VPS4A: variants seen among roughly 807,000 people sequenced by gnomAD.
The protein encoded by VPS4A is vacuolar protein sorting 4 homolog A.
VPS4A carries 20 observed loss-of-function variants against 52.3 expected under a neutral mutation model. The observed-to-expected ratio is 0.38, with a 90% CI of 0.27 to 0.56. VPS4A has a LOEUF of 0.56. Among genes scored for constraint, VPS4A ranks in the 20% least tolerant of loss-of-function variants. The pLI is 0.72. For missense variants in VPS4A, 419 were observed against 575.9 expected (o/e 0.73, Z 2.79); for synonymous variants, 293 against 227.7 (o/e 1.29, Z -2.58).
In VPS4A at chr16:69,324,743, G is replaced by C. The variant is rs79793182; in HGVS notation, c.*434G>C. On this transcript the variant is annotated 3_prime_UTR_variant, in exon 11 of 11. Transcript: ENST00000254950. ...AGACAGCCGGCTAGCCCCACTGCCC[G>C]TTCCTTTTACGCCCAAGTTTTGCTC... 5.1e-6 allele frequency: 1 copy of C among 194,510 alleles called. No homozygotes were observed. Among genetic ancestry groups the C allele is most frequent in the Admixed American group, 5.2e-5 (1 of 19,148 alleles). The allele number at this position is 194,510 out of a possible 1,614,324, so 12.0% of individuals were successfully genotyped here.
intron 1 of VPS4A, among the ~76,000 whole-genome samples, chr16:69,315,355 C>G (rs1567422198): frequency 6.6e-6 from 1 of 152,214 alleles, no homozygotes. Flanking sequence ...CAGCAGGGAG[C>G]AAGCAAGTAC....
intron 1 of VPS4A, among the ~76,000 whole-genome samples, chr16:69,312,543 T>G (rs1452428340): frequency 1.3e-5 from 2 of 152,138 alleles, no homozygotes; most frequent in African/African-American, 4.8e-5. Flanking sequence ...CCCAGGCAGG[T>G]TTTTTATGGC....
rs762587086 is a variant in VPS4A, at chr16:69,321,306, T to C, written c.1071+36T>C. 21 of 1,539,922 alleles carry C rather than the reference T, an allele frequency of 1.4e-5. No homozygotes were observed. The highest frequency in any genetic ancestry group is 3.6e-5 in the South Asian group (3 of 83,688). On this transcript the variant is annotated intron_variant, in intron 9 of 10. Coordinates refer to ENST00000254950, the MANE Select transcript of VPS4A (RefSeq NM_013245.3). The surrounding 1 kb of genome is among the most constrained non-coding windows in gnomAD (Gnocchi z 4.5). ...GCGGCCACTGCTGAGAAAAATCTCA[T>C]AGTAAGAGCGGGATGTTCGGTTTTT...
In VPS4A at chr16:69,319,545, T is replaced by G; in HGVS notation, c.620+2T>G. 6.2e-7 allele frequency: 1 copy of G among 1,610,554 alleles called. No individual in the cohort carries two copies. The highest frequency in any genetic ancestry group is 8.5e-7 in the Non-Finnish European group (1 of 1,178,534). On this transcript the variant is annotated splice_donor_variant, in intron 6 of 10. Transcript: ENST00000254950. LOFTEE classifies it high-confidence loss of function. ...CAAGTGGCTGGGGGAGAGTGAAAAG[T>G]AAGTCGGCCACCAGGCCATGCTCTG... is the stretch of plus-strand genomic sequence containing the variant.
intron 3 of VPS4A, among the ~76,000 whole-genome samples, chr16:69,317,565 G>A (rs1347685940): frequency 3.3e-5 from 5 of 152,128 alleles, no homozygotes; most frequent in African/African-American, 7.2e-5. Context: ...AAGCCGAGGC[G>A]GGCGGATCAC....
intron 1 of VPS4A, 33 bp downstream of exon 1, chr16:69,311,565 C>A: frequency 7.8e-7 from 1 of 1,288,014 alleles, no homozygotes; most frequent in Non-Finnish European, 9.9e-7. Context: ...ACTTCGGAGG[C>A]CGAAGGCAGC....
At chr16:69,317,782 G>T (rs1049950040) in intron 3 of VPS4A, among the ~76,000 whole-genome samples, 15 of 151,320 alleles carry the variant, frequency 9.9e-5, no homozygotes, top group African/African-American at 3.2e-4. Context: ...GACTGAGTGC[G>T]ACTCTGTCTT....
chr16:69,317,560 G>A (rs922412839), intron 3 of VPS4A, among the ~76,000 whole-genome samples: 1 of 152,146 alleles, frequency 6.6e-6, no homozygotes, highest in African/African-American at 2.4e-5. Flanking sequence ...TTGGGAAGCC[G>A]AGGCGGGCGG....
At position 69,320,695 on chromosome 16, in the gene VPS4A, G is replaced by T; in HGVS notation, c.777G>T (p.Gly259=). ...GTCTCCCTTTCTCCACAGGGGTGGGGAATAACAATGATGGGACTCTGGTTC... is the reference window on the plus strand; with the variant it reads ...GTCTCCCTTTCTCCACAGGGGTGGGTAATAACAATGATGGGACTCTGGTTC... ...TEFLVQMQGV[G]NNNDGTLVLG... is the part of the protein sequence containing the mutation. Residue 259 remains glycine, a synonymous_variant, in exon 8 of 11, where the codon GGG becomes GGT. Coordinates refer to ENST00000254950, the MANE Select transcript of VPS4A (RefSeq NM_013245.3). This position sits in a 1 kb window ranked among gnomAD's most constrained non-coding sequence, Gnocchi z 4.2. The T allele has an allele frequency of 6.2e-7, 1 of 1,603,914 alleles. No homozygotes were observed. Among genetic ancestry groups the T allele is most frequent in the Non-Finnish European group, 8.5e-7 (1 of 1,175,386 alleles).
In VPS4A at chr16:69,321,438, C is replaced by T; in HGVS notation, c.1071+168C>T. ...CCATGGGGGCTGCACCCACTGTCCC[C>T]TCCCTGCAGCTCTTCTGGAGTGTGG... On this transcript the variant is annotated intron_variant, in intron 9 of 10. Transcript: ENST00000254950. This position sits in a 1 kb window ranked among gnomAD's most constrained non-coding sequence, Gnocchi z 4.5. The T allele has an allele frequency of 1.5e-6, 1 of 684,834 alleles. No individual in the cohort carries two copies. The highest frequency in any genetic ancestry group is 2.4e-6 in the Non-Finnish European group (1 of 411,832). 42.4% of individuals were successfully genotyped at this position (684,834 alleles called of 1,614,324 possible). A position where few individuals can be genotyped will look rare whatever the true frequency, so the allele number is the denominator to read the frequency against.
intron 1 of VPS4A, among the ~76,000 whole-genome samples, chr16:69,315,721 C>A (rs1239394269): frequency 6.6e-6 from 1 of 152,186 alleles, no homozygotes; most frequent in Non-Finnish European, 1.5e-5. Flanking sequence ...CATGAACTTG[C>A]CCCTTGAGCC....
chr16:69,322,180 G>C, intron 9 of VPS4A: 1 of 168,724 alleles, frequency 5.9e-6, no homozygotes, highest in Admixed American at 6.1e-5. Context: ...GCACGGGAAA[G>C]ACCAGCCCCC....
At chr16:69,316,988 C>T (rs1161379866) in intron 3 of VPS4A, among the ~76,000 whole-genome samples, 1 of 152,060 alleles carries the variant, frequency 6.6e-6, no homozygotes, top group Non-Finnish European at 1.5e-5. Context: ...TGATCCCAGT[C>T]ATATGAACAC....
intron 1 of VPS4A, among the ~76,000 whole-genome samples, chr16:69,315,457 C>T (rs966346212): frequency 2.0e-5 from 3 of 152,220 alleles, no homozygotes; most frequent in Non-Finnish European, 4.4e-5. Flanking sequence ...ACTGTCTTCT[C>T]TCTGCAGCCT....
rs1390838429 is a variant in VPS4A, at chr16:69,321,244, G to A, written c.1045G>A (p.Val349Met). The change falls in exon 9 of 11, where the codon GTG becomes ATG. Residue 349 changes from valine to methionine, a missense_variant. Physicochemically the swap from Val to Met is conservative, Grantham distance 21. This residue lies in a region of VPS4A where 185 missense variants were observed against 200.2 expected (regional missense o/e 0.92). Coordinates refer to ENST00000254950, the MANE Select transcript of VPS4A (RefSeq NM_013245.3). The surrounding 1 kb of genome is among the most constrained non-coding windows in gnomAD (Gnocchi z 4.5). The stretch of plus-strand genomic sequence containing the variant: ...CTCTCTCATGCAGCCCGTGAGGAAG[G>A]TGCAGTCGGCCACACACTTCAAAAA... ...RDSLMQPVRK[V>M]QSATHFKKVC... is the part of the protein sequence containing the mutation. The A allele has an allele frequency of 6.4e-7, 1 of 1,557,644 alleles. No individual in the cohort carries two copies. The highest frequency in any genetic ancestry group is 8.7e-7 in the Non-Finnish European group (1 of 1,151,200).
At chr16:69,315,942 G>T in intron 1 of VPS4A, 66 bp from the exon 2 acceptor site, 1 of 1,387,858 alleles carries the variant, frequency 7.2e-7, no homozygotes, top group South Asian at 1.2e-5. Flanking sequence ...TCATCCCCAT[G>T]CCTGTGACCC....
rs907815351 is a variant in VPS4A at position 69,320,029 on chromosome 16, A to T, written c.621-112A>T. ...CCACCACGTTTTCCGCAATTCCGGC[A>T]TGACCGTGGCCTGCGCCTCCCTGTG... On this transcript the variant is annotated intron_variant, in intron 6 of 10. Coordinates refer to ENST00000254950, the MANE Select transcript of VPS4A (RefSeq NM_013245.3). This position sits in a 1 kb window ranked among gnomAD's most constrained non-coding sequence, Gnocchi z 4.2. The T allele has an allele frequency of 4.3e-6, 6 of 1,406,882 alleles. No individual in the cohort carries two copies. In the Admixed American group the frequency reaches 1.5e-4, roughly 34 times the overall value. The allele number at this position is 1,406,882 out of a possible 1,614,324, so 87.1% of individuals were successfully genotyped here. A position where few individuals can be genotyped will look rare whatever the true frequency, so the allele number is the denominator to read the frequency against.
chr16:69,320,071 G>A lies in VPS4A; in HGVS notation c.621-70G>A. ...CTCCCTGTGGGAAGGGTGAGAAGAG[G>A]GAAGTGCCGGGAGCCCAGGCGGGCA... is the stretch of plus-strand genomic sequence containing the variant. On this transcript the variant is annotated intron_variant, in intron 6 of 10. Coordinates refer to ENST00000254950, the MANE Select transcript of VPS4A (RefSeq NM_013245.3). This position sits in a 1 kb window ranked among gnomAD's most constrained non-coding sequence, Gnocchi z 4.2. The A allele has an allele frequency of 6.5e-7, 1 of 1,530,060 alleles. No individual in the cohort carries two copies. The highest frequency in any genetic ancestry group is 8.8e-7 in the Non-Finnish European group (1 of 1,130,094). 94.8% of individuals were successfully genotyped at this position (1,530,060 alleles called of 1,614,324 possible). A position where few individuals can be genotyped will look rare whatever the true frequency, so the allele number is the denominator to read the frequency against.
Position 69,320,899 on chromosome 16 carries a change from G to A in VPS4A, c.851+130G>A. 4.8e-6 allele frequency: 6 copies of A among 1,245,956 alleles called. No individual in the cohort carries two copies. The highest frequency in any genetic ancestry group is 5.7e-6 in the Non-Finnish European group (5 of 884,724). 77.2% of individuals were successfully genotyped at this position (1,245,956 alleles called of 1,614,324 possible). A position where few individuals can be genotyped will look rare whatever the true frequency, so the allele number is the denominator to read the frequency against. ...AGTCTTCCCGTCTGCCTGCCAAGCAGAGCCCTTTGTGAGGCTGGCTTGTTG... is the reference window on the plus strand; with the variant it reads ...AGTCTTCCCGTCTGCCTGCCAAGCAAAGCCCTTTGTGAGGCTGGCTTGTTG... On this transcript the variant is annotated intron_variant, in intron 8 of 10. Transcript: ENST00000254950. The surrounding 1 kb of genome is among the most constrained non-coding windows in gnomAD (Gnocchi z 4.2).
Sources: allele counts gnomAD v4.1 joint callset (sites outside exome capture counted in the v4.1 genomes callset), GRCh38; gene constraint gnomAD v4.1.1; regional missense constraint gnomAD v4.1.1; non-coding constraint Gnocchi (gnomAD v3.1); transcripts MANE v1.5; gene names NCBI Gene and HGNC (gene_info 2026-07-23, HGNC 2026-07-21).